Variants in VAPB observed in about 807,000 individuals in gnomAD.
The protein encoded by VAPB is vesicle-associated membrane protein-associated protein B/C.
VAPB carries 7 observed loss-of-function variants against 25.6 expected under a neutral mutation model. The observed-to-expected ratio is 0.27, with a 90% CI of 0.16 to 0.51. The LOEUF is 0.51. Ranked by LOEUF, VAPB falls within the 20% of genes least tolerant of loss-of-function variation. The pLI, the probability that VAPB is intolerant of heterozygous loss-of-function variation, is 0.97. For synonymous variants in VAPB, 112 were observed against 109.2 expected, an observed-to-expected ratio of 1.03 and a Z score of -0.16; for missense variants, 266 against 301.3, an observed-to-expected ratio of 0.88 and a Z score of 0.87.
At chr20:58,411,033 G>A (rs980944997) in intron 1 of VAPB, among the ~76,000 whole-genome samples, 1 of 152,124 alleles carries the variant, frequency 6.6e-6, no homozygotes, top group African/African-American at 2.4e-5. Flanking sequence ...CAACTTACTT[G>A]GGTAAATACC....
At chr20:58,403,770 A>G (rs985587260) in intron 1 of VAPB, among the ~76,000 whole-genome samples, 4 of 152,234 alleles carry the variant, frequency 2.6e-5, no homozygotes, top group Admixed American at 6.5e-5. Flanking sequence ...CCTGCTGGAC[A>G]TCCCTGTCTA....
Position 58,446,575 on chromosome 20 carries a change from AAGGTGATTTAG to A in VAPB, c.*2343_*2353del. On this transcript the variant is annotated 3_prime_UTR_variant, in exon 6 of 6. Transcript: ENST00000475243. The stretch of plus-strand genomic sequence containing the variant: ...GAAACTACTCTGTTTTAGACCTTTG[AAGGTGATTTAG>A]AGTTTTGTGTACATCTAGGAGAAGG... 2.2e-6 allele frequency: 1 copy of A among 454,120 alleles called. No individual in the cohort carries two copies. Among genetic ancestry groups the A allele is most frequent in the Non-Finnish European group, 4.4e-6 (1 of 226,788 alleles). The allele number at this position is 454,120 out of a possible 1,614,324, so 28.1% of individuals were successfully genotyped here. A position where few individuals can be genotyped will look rare whatever the true frequency, so the allele number is the denominator to read the frequency against.
chr20:58,436,327 C>CTTTTTTTT (rs57100987), intron 3 of VAPB, among the ~76,000 whole-genome samples: 70 of 114,942 alleles, frequency 6.1e-4, no homozygotes, highest in African/African-American at 1.7e-3. Context: ...GTTTTTCTTC[C>CTTTTTTTT]TTTTTTTTTT....
At position 58,449,461 on chromosome 20, in the gene VAPB, A is replaced by G. The variant is rs1416525390; in HGVS notation, c.*5226A>G. Reference sequence around the variant, plus strand: ...ACTTGAGATTTTTTTTTCTTAATGGAATTAGTTTATTAGAAAATGTCTGTG... The same window carrying G: ...ACTTGAGATTTTTTTTTCTTAATGGGATTAGTTTATTAGAAAATGTCTGTG... On this transcript the variant is annotated 3_prime_UTR_variant, in exon 6 of 6. Transcript: ENST00000475243. 1 of 449,362 alleles carries G rather than the reference A, an allele frequency of 2.2e-6. No individual in the cohort carries two copies. Among genetic ancestry groups the G allele is most frequent in the South Asian group, 1.6e-5 (1 of 62,896 alleles). The allele number at this position is 449,362 out of a possible 1,614,324, so 27.8% of individuals were successfully genotyped here. A position where few individuals can be genotyped will look rare whatever the true frequency, so the allele number is the denominator to read the frequency against.
chr20:58,446,661 G>C lies in VAPB; in HGVS notation c.*2426G>C, dbSNP rs1333482799. On this transcript the variant is annotated 3_prime_UTR_variant, in exon 6 of 6. Transcript: ENST00000475243. Reference sequence around the variant, plus strand: ...ACATTTTGGTTGCAGCTAAAAATCAGTCTCTGAAGTCTCTCTCCCTTCTAG... The same window carrying C: ...ACATTTTGGTTGCAGCTAAAAATCACTCTCTGAAGTCTCTCTCCCTTCTAG... 8.8e-6 allele frequency: 4 copies of C among 453,960 alleles called. No individual in the cohort carries two copies. The highest frequency in any genetic ancestry group is 1.8e-5 in the Non-Finnish European group (4 of 226,790). The allele number at this position is 453,960 out of a possible 1,614,324, so 28.1% of individuals were successfully genotyped here.
Position 58,405,733 on chromosome 20 carries a change from G to T in VAPB, c.59-12478G>T, listed in dbSNP as rs571279872. Among the ~76,000 whole-genome samples, 696 of 131,014 alleles carry T rather than the reference G, an allele frequency of 5.3e-3. 9 individuals are homozygous for T. The highest frequency in any genetic ancestry group is 6.4e-3 in the Non-Finnish European group (404 of 62,984). The allele number at this position is 131,014 out of a possible 152,430, so 86.0% of individuals were successfully genotyped here. A position where few individuals can be genotyped will look rare whatever the true frequency, so the allele number is the denominator to read the frequency against. ...TTACAGGTGTGAGCCATCACGCCTG[G>T]CCAGGAGCCTTTTTTTTTTTTTTTT... On this transcript the variant is annotated intron_variant, in intron 1 of 5. Coordinates refer to ENST00000475243, the MANE Select transcript of VAPB (RefSeq NM_004738.5).
intron 1 of VAPB, among the ~76,000 whole-genome samples, chr20:58,412,787 A>T (rs1435813013): frequency 3.3e-5 from 5 of 152,180 alleles, no homozygotes; most frequent in Non-Finnish European, 5.9e-5. Context: ...TAGTATTTAC[A>T]TTTCCTGAAG....
In VAPB at chr20:58,449,801, T is replaced by C. The variant is rs558647950; in HGVS notation, c.*5566T>C. On this transcript the variant is annotated 3_prime_UTR_variant, in exon 6 of 6. Coordinates refer to ENST00000475243, the MANE Select transcript of VAPB (RefSeq NM_004738.5). ...ATGTGGGTGCAGGACAGATGCTCGCTTGCTGGCCTGCTTTCCTGCTTGCAT... is the reference window on the plus strand; with the variant it reads ...ATGTGGGTGCAGGACAGATGCTCGCCTGCTGGCCTGCTTTCCTGCTTGCAT... The C allele has an allele frequency of 1.8e-3, 800 of 454,120 alleles. 4 individuals are homozygous for C. The highest frequency in any genetic ancestry group is 0.014 in the African/African-American group (711 of 50,130). 28.1% of individuals were successfully genotyped at this position (454,120 alleles called of 1,614,324 possible).
chr20:58,440,635 G>C, intron 4 of VAPB: 1 of 362,732 alleles, frequency 2.8e-6, no homozygotes. Flanking sequence ...GAATTTGATA[G>C]TGCAATATAC....
In VAPB at chr20:58,447,184, C is replaced by T. The variant is rs1476977232; in HGVS notation, c.*2949C>T. ...CTCACAAATGCAGAAGAGATGGAAGCGGTGACAGAATCCTGAAAGTTTTTA... is the reference window on the plus strand; with the variant it reads ...CTCACAAATGCAGAAGAGATGGAAGTGGTGACAGAATCCTGAAAGTTTTTA... On this transcript the variant is annotated 3_prime_UTR_variant, in exon 6 of 6. Coordinates refer to ENST00000475243, the MANE Select transcript of VAPB (RefSeq NM_004738.5). 13 of 453,950 alleles carry T rather than the reference C, an allele frequency of 2.9e-5. No homozygotes were observed. The highest frequency in any genetic ancestry group is 6.9e-5 in the East Asian group (1 of 14,412). The allele number at this position is 453,950 out of a possible 1,614,324, so 28.1% of individuals were successfully genotyped here.
Position 58,389,512 on chromosome 20 carries a change from T to G in VAPB, c.53T>G (p.Phe18Cys). The G allele has an allele frequency of 6.3e-7, 1 of 1,589,202 alleles. No homozygotes were observed. Among genetic ancestry groups the G allele is most frequent in the Non-Finnish European group, 8.6e-7 (1 of 1,168,954 alleles). Residue 18 changes from phenylalanine to cysteine, a missense_variant, in exon 1 of 6, where the codon TTC (phenylalanine) becomes TGC (cysteine). Physicochemically the swap from Phe to Cys is radical, Grantham distance 205 (BLOSUM62 -2). Transcript: ENST00000475243. The part of the protein sequence containing the change: ...LSLEPQHELK[F>C]RGPFTDVVTT... ...CTCGAGCCGCAGCACGAGCTCAAATTCCGAGGTAAGCCCCAGAGGCCGCCA... is the reference window on the plus strand; with the variant it reads ...CTCGAGCCGCAGCACGAGCTCAAATGCCGAGGTAAGCCCCAGAGGCCGCCA...
rs1377243807 is a variant in VAPB, at chr20:58,419,906, T to G, written c.211+1543T>G. Among the ~76,000 whole-genome samples, 7 of 152,152 alleles carry G rather than the reference T, an allele frequency of 4.6e-5. No individual in the cohort carries two copies. The East Asian group carries it at 1.3e-3, about 29-fold the overall frequency. On this transcript the variant is annotated intron_variant, in intron 2 of 5. Transcript: ENST00000475243. ...GCATGGTTTTCTGAATAAAAGAATC[T>G]CAGTAGGTGGTTGTACAATGTTAGT...
chr20:58,401,833 CCACCTTT>C (rs2123029304), intron 1 of VAPB, among the ~76,000 whole-genome samples: 1 of 152,286 alleles, frequency 6.6e-6, no homozygotes, highest in South Asian at 2.1e-4. Flanking sequence ...GAACTCTATA[CCACCTTT>C]TCATTTTTTC....
At position 58,449,891 on chromosome 20, in the gene VAPB, A is replaced by G. The variant is rs1989396457; in HGVS notation, c.*5656A>G. 4.4e-6 allele frequency: 2 copies of G among 453,856 alleles called. No homozygotes were observed. Among genetic ancestry groups the G allele is most frequent in the African/African-American group, 2.0e-5 (1 of 49,946 alleles). The allele number at this position is 453,856 out of a possible 1,614,324, so 28.1% of individuals were successfully genotyped here. A position where few individuals can be genotyped will look rare whatever the true frequency, so the allele number is the denominator to read the frequency against. ...GGAGCTGCTGTCAGAGCTTCGTTTC[A>G]CTGATACCCAAAGCCATGTCTGACT... On this transcript the variant is annotated 3_prime_UTR_variant, in exon 6 of 6. Transcript: ENST00000475243.
chr20:58,418,186 A>G (rs368176010), intron 1 of VAPB, 25 bp from the exon 2 acceptor site: 1 of 1,613,828 alleles, frequency 6.2e-7, no homozygotes, highest in Non-Finnish European at 8.5e-7. Flanking sequence ...TGAGACCCCC[A>G]ATCAGTCTCT....
At chr20:58,422,045 C>T (rs1988680507) in intron 2 of VAPB, among the ~76,000 whole-genome samples, 2 of 152,216 alleles carry the variant, frequency 1.3e-5, no homozygotes, top group Admixed American at 1.3e-4. Flanking sequence ...CAGTTGGACA[C>T]AGGCATAACC....
At chr20:58,424,949 A>G (rs1157048082) in intron 2 of VAPB, among the ~76,000 whole-genome samples, 2 of 152,262 alleles carry the variant, frequency 1.3e-5, no homozygotes, top group African/African-American at 4.8e-5. Flanking sequence ...CTGAATAGGC[A>G]GAGGTCCACC....
At chr20:58,398,443 G>T (rs1328141307) in intron 1 of VAPB, among the ~76,000 whole-genome samples, 1 of 152,220 alleles carries the variant, frequency 6.6e-6, no homozygotes, top group African/African-American at 2.4e-5. Context: ...CTCTGATTGA[G>T]ATTTGGTTCA....
In VAPB at chr20:58,441,124, G is replaced by A. The variant is rs2234490; in HGVS notation, c.573+41G>A. The stretch of plus-strand genomic sequence containing the variant: ...CTGGTAATCTACAGAAAACAAGGGC[G>A]TTTTCACTAGCTTCTTGGGTGGGGA... On this transcript the variant is annotated intron_variant, in intron 5 of 5. Coordinates refer to ENST00000475243, the MANE Select transcript of VAPB (RefSeq NM_004738.5). 2,543 of 1,602,608 alleles carry A rather than the reference G, an allele frequency of 1.6e-3. 42 individuals are homozygous for A. In the East Asian group the frequency reaches 0.043, roughly 27 times the overall value.
Sources: gnomAD v4.1 joint callset for allele counts (sites outside exome capture counted in the v4.1 genomes callset) on GRCh38, gnomAD v4.1.1 for gene constraint, MANE v1.5 for transcripts, NCBI Gene and HGNC (gene_info 2026-07-23, HGNC 2026-07-21) for gene names.